Variants in STX2 observed in about 807,000 individuals in gnomAD.
STX2 encodes the protein syntaxin-2.
STX2 carries 27 observed loss-of-function variants against 40.6 expected under a neutral mutation model. That is an observed-to-expected ratio of 0.66 (90% CI 0.49 to 0.92). The LOEUF (loss-of-function observed/expected upper bound fraction) is 0.92, where lower values mean the gene tolerates loss of function less well. Among genes scored for constraint, STX2 ranks in the 40% least tolerant of loss-of-function variants. The probability of loss-of-function intolerance (pLI) is 0.00; values close to 1 mark genes in which losing one functional copy is unlikely to be tolerated. For synonymous variants in STX2, 123 were observed against 119.1 expected (o/e 1.03, Z -0.22); for missense variants, 328 against 366.1 (o/e 0.90, Z 0.85).
At chr12:130,811,206 A>C (rs1039202553) in intron 4 of STX2, among the ~76,000 whole-genome samples, 3 of 151,864 alleles carry the variant, frequency 2.0e-5, no homozygotes, top group African/African-American at 7.3e-5. Context: ...AAAAATACAA[A>C]AATTAGCCAG....
rs531507603 is a variant in STX2, at chr12:130,801,043, G to T, written c.675+110C>A. 1.4e-5 allele frequency: 18 copies of T among 1,278,130 alleles called. No individual in the cohort carries two copies. The Admixed American group carries it at 4.4e-4, about 31-fold the overall frequency. The allele number at this position is 1,278,130 out of a possible 1,614,324, so 79.2% of individuals were successfully genotyped here. A position where few individuals can be genotyped will look rare whatever the true frequency, so the allele number is the denominator to read the frequency against. On this transcript the variant is annotated intron_variant, in intron 8 of 10. Transcript: ENST00000392373. ...ACACTGCAATTAACCTGAATTTGGT[G>T]GATCCAAAATAACAGCTTTCCTAGA...
intron 6 of STX2, among the ~76,000 whole-genome samples, chr12:130,803,747 T>C (rs2037789): frequency 0.56 from 84,728 of 151,054 alleles, 26,250 homozygotes; most frequent in East Asian, 0.88. Flanking sequence ...ACCGGCTAAC[T>C]GCTAAGTCTA....
chr12:130,835,858 TA>T (rs1479406507), intron 1 of STX2, among the ~76,000 whole-genome samples: 1 of 151,894 alleles, frequency 6.6e-6, no homozygotes, highest in Non-Finnish European at 1.5e-5. Flanking sequence ...CATCACTGGT[TA>T]GAAACTACAT....
intron 8 of STX2, among the ~76,000 whole-genome samples, chr12:130,798,866 C>T (rs781139249): frequency 5.8e-4 from 88 of 152,230 alleles, no homozygotes; most frequent in Non-Finnish European, 1.2e-3. Context: ...GAATGGGCCA[C>T]CATGTTGATA....
chr12:130,803,989 T>C (rs1238236071), intron 6 of STX2, among the ~76,000 whole-genome samples: 2 of 152,212 alleles, frequency 1.3e-5, no homozygotes, highest in Non-Finnish European at 2.9e-5. Flanking sequence ...ATGTGCCTGA[T>C]TACAGGGTGC....
At position 130,837,406 on chromosome 12, in the gene STX2, G is replaced by A. The variant is rs894526152; in HGVS notation, c.30+1664C>T. Among the ~76,000 whole-genome samples the A allele has an allele frequency of 3.9e-5, 6 of 152,134 alleles. No homozygotes were observed. The East Asian group carries it at 1.2e-3, about 29-fold the overall frequency. On this transcript the variant is annotated intron_variant, in intron 1 of 10. Coordinates refer to ENST00000392373, the MANE Select transcript of STX2 (RefSeq NM_194356.4). Reference sequence around the variant, plus strand: ...CCTCCTGGATTCAAGCGATGCTCCTGCCGCAGCCTCCAGAGTAGCTGGGAC... The same window carrying A: ...CCTCCTGGATTCAAGCGATGCTCCTACCGCAGCCTCCAGAGTAGCTGGGAC...
chr12:130,796,782 C>T (rs1593112407), intron 9 of STX2, among the ~76,000 whole-genome samples: 1 of 152,296 alleles, frequency 6.6e-6, no homozygotes, highest in Middle Eastern at 3.4e-3. Context: ...CGTCATGAAG[C>T]CCCGACACAC....
intron 3 of STX2, among the ~76,000 whole-genome samples, chr12:130,813,644 C>T (rs910914959): frequency 1.3e-5 from 2 of 152,184 alleles, no homozygotes; most frequent in African/African-American, 4.8e-5. Flanking sequence ...AGCTGACACT[C>T]CAGGGCAGTG....
At chr12:130,830,339 C>CA (rs1555224177) in intron 1 of STX2, among the ~76,000 whole-genome samples, 2 of 152,160 alleles carry the variant, frequency 1.3e-5, no homozygotes, top group Non-Finnish European at 2.9e-5. Flanking sequence ...ATGCACCCCC[C>CA]ACAGTGGCGT....
chr12:130,828,177 T>C (rs1952398066), intron 1 of STX2, among the ~76,000 whole-genome samples: 1 of 152,126 alleles, frequency 6.6e-6, no homozygotes, highest in Non-Finnish European at 1.5e-5. Context: ...AATATTAATA[T>C]ATAAACCAAT....
intron 6 of STX2, among the ~76,000 whole-genome samples, chr12:130,806,435 G>A (rs967620334): frequency 9.2e-5 from 14 of 152,190 alleles, no homozygotes; most frequent in Non-Finnish European, 1.9e-4. Flanking sequence ...CTCACAGTGG[G>A]TTTGTGTCAC....
At chr12:130,803,666 C>CA (rs869033438) in intron 6 of STX2, among the ~76,000 whole-genome samples, 308 of 16,674 alleles carry the variant, frequency 0.018, 6 homozygotes, top group African/African-American at 0.052. Flanking sequence ...GGCTCTCTCT[C>CA]AAAAAAAAAA....
intron 6 of STX2, among the ~76,000 whole-genome samples, chr12:130,804,381 G>A (rs1323085868): frequency 3.3e-5 from 5 of 152,176 alleles, no homozygotes; most frequent in East Asian, 3.8e-4. Context: ...ACCGATGCTC[G>A]ACTCGTGCAT....
chr12:130,837,561 G>C (rs1952789714), intron 1 of STX2, among the ~76,000 whole-genome samples: 2 of 152,318 alleles, frequency 1.3e-5, no homozygotes, highest in South Asian at 2.1e-4. Context: ...TGGGATTACA[G>C]GCATGAGCCA....
chr12:130,795,924 T>A (rs1357055181), intron 10 of STX2, 71 bp downstream of exon 10: 3 of 1,502,400 alleles, frequency 2.0e-6, no homozygotes, highest in Non-Finnish European at 2.7e-6. Context: ...TTATGTCTAT[T>A]ACAATTAAGC....
At chr12:130,807,931 C>T (rs549822184) in intron 5 of STX2, among the ~76,000 whole-genome samples, 18 of 152,288 alleles carry the variant, frequency 1.2e-4, no homozygotes, top group Non-Finnish European at 2.4e-4. Context: ...CCAGCAGCCT[C>T]CTGCACAAAG....
chr12:130,823,415 G>A (rs2136324966), intron 2 of STX2, among the ~76,000 whole-genome samples: 1 of 152,326 alleles, frequency 6.6e-6, no homozygotes, highest in African/African-American at 2.4e-5. Flanking sequence ...CATAGCAAAG[G>A]GAACTTTGCA....
At chr12:130,802,968 T>C (rs1430826581) in intron 6 of STX2, among the ~76,000 whole-genome samples, 1 of 152,214 alleles carries the variant, frequency 6.6e-6, no homozygotes, top group Non-Finnish European at 1.5e-5. Context: ...GGGGAATGAC[T>C]GGTGGTGGGT....
chr12:130,796,002 C>G lies in STX2; in HGVS notation c.*38G>C. 1 of 1,607,760 alleles carries G rather than the reference C, an allele frequency of 6.2e-7. No individual in the cohort carries two copies. The highest frequency in any genetic ancestry group is 8.5e-7 in the Non-Finnish European group (1 of 1,177,744). ...AGTTGATGAGTTACTTACTCCCACC[C>G]TGGCAGAGAGGCATGCACACTGACG... On this transcript the variant is annotated 3_prime_UTR_variant, in exon 10 of 11. Coordinates refer to ENST00000392373, the MANE Select transcript of STX2 (RefSeq NM_194356.4).
Sources: gnomAD v4.1 joint callset for allele counts (sites outside exome capture counted in the v4.1 genomes callset) on GRCh38, gnomAD v4.1.1 for gene constraint, MANE v1.5 for transcripts, NCBI Gene and HGNC (gene_info 2026-07-23, HGNC 2026-07-21) for gene names.